Variants in P2RY2 observed in about 807,000 individuals in gnomAD.
The protein encoded by P2RY2 is P2Y purinoceptor 2.
For synonymous variants in P2RY2, 241 were observed against 231.9 expected, an observed-to-expected ratio of 1.04 and a Z score of -0.35; for missense variants, 567 against 515.7, an observed-to-expected ratio of 1.10 and a Z score of -0.96.
intron 1 of P2RY2, among the ~76,000 whole-genome samples, chr11:73,225,106 T>C (rs1259722215): frequency 1.3e-5 from 2 of 152,152 alleles, no homozygotes; most frequent in Non-Finnish European, 2.9e-5. Context: ...AGCAGGGGTC[T>C]CCACAGTGGT....
rs1418488618 is a variant in P2RY2 at position 73,234,814 on chromosome 11, G to A, written c.655G>A (p.Val219Met). The A allele has an allele frequency of 3.7e-6, 6 of 1,611,706 alleles. No individual in the cohort carries two copies. Among genetic ancestry groups the A allele is most frequent in the South Asian group, 1.1e-5 (1 of 91,092 alleles). ...CTTTGCCGTCATCCTTGTCTGTTAC[G>A]TGCTCATGGCTCGGCGACTGCTAAA... ...VPFAVILVCY[V>M]LMARRLLKPA... The change falls in exon 3 of 3, where the codon GTG becomes ATG. Residue 219 changes from valine (V) to methionine (M), a missense_variant. Val to Met is a conservative substitution (Grantham distance 21). Coordinates refer to ENST00000393597, the MANE Select transcript of P2RY2 (RefSeq NM_002564.4).
chr11:73,230,390 T>C (rs1481221438), intron 2 of P2RY2, among the ~76,000 whole-genome samples: 1 of 151,954 alleles, frequency 6.6e-6, no homozygotes, highest in East Asian at 1.9e-4. Context: ...CAGCCTCCAG[T>C]CCCACCTCCA....
chr11:73,218,998 G>C (rs480305), intron 1 of P2RY2, among the ~76,000 whole-genome samples: 7,667 of 152,216 alleles, frequency 0.05, 203 homozygotes, highest in Non-Finnish European at 0.069. Flanking sequence ...CTTTTAATCT[G>C]GCAAATGGTG....
At chr11:73,230,485 C>T (rs1862419719) in intron 2 of P2RY2, among the ~76,000 whole-genome samples, 1 of 152,116 alleles carries the variant, frequency 6.6e-6, no homozygotes, top group Non-Finnish European at 1.5e-5. Flanking sequence ...GTGTGCCAGG[C>T]TCTACTCCAG....
chr11:73,240,726 C>G lies in P2RY2; in HGVS notation c.*5433C>G, dbSNP rs1436080822. On this transcript the variant is annotated 3_prime_UTR_variant, in exon 3 of 3. Coordinates refer to ENST00000393597, the MANE Select transcript of P2RY2 (RefSeq NM_002564.4). Reference sequence around the variant, plus strand: ...CCAGTCTGTGGCTCCTGGACTGGAGCTACAGTGGTGAGAGCTCACCACTGA... The same window carrying G: ...CCAGTCTGTGGCTCCTGGACTGGAGGTACAGTGGTGAGAGCTCACCACTGA... 6.6e-6 allele frequency: 1 copy of G among 152,230 alleles called. No individual in the cohort carries two copies. Among genetic ancestry groups the G allele is most frequent in the East Asian group, 1.9e-4 (1 of 5,180 alleles). 9.4% of individuals were successfully genotyped at this position (152,230 alleles called of 1,614,324 possible). A position where few individuals can be genotyped will look rare whatever the true frequency, so the allele number is the denominator to read the frequency against.
In P2RY2 at chr11:73,238,762, C is replaced by T. The variant is rs1437730406; in HGVS notation, c.*3469C>T. 6.6e-6 allele frequency among the ~76,000 whole-genome samples: 1 copy of T among 152,172 alleles called. No individual in the cohort carries two copies. Among genetic ancestry groups the T allele is most frequent in the African/African-American group, 2.4e-5 (1 of 41,432 alleles). On this transcript the variant is annotated 3_prime_UTR_variant, in exon 3 of 3. Coordinates refer to ENST00000393597, the MANE Select transcript of P2RY2 (RefSeq NM_002564.4). Reference sequence around the variant, plus strand: ...CTGTCAGGGTGAGTCAGAGTGAGTCCAGGTTCACCTGATGGCCAGAATCAT... The same window carrying T: ...CTGTCAGGGTGAGTCAGAGTGAGTCTAGGTTCACCTGATGGCCAGAATCAT...
intron 1 of P2RY2, among the ~76,000 whole-genome samples, chr11:73,224,478 C>T (rs752364073): frequency 6.6e-6 from 1 of 152,240 alleles, no homozygotes; most frequent in Non-Finnish European, 1.5e-5. Flanking sequence ...TTGGCTTCCT[C>T]CAGGCCTGAT....
In P2RY2 at chr11:73,234,470, T is replaced by C; in HGVS notation, c.311T>C (p.Val104Ala). The C allele has an allele frequency of 6.2e-7, 1 of 1,614,188 alleles. No homozygotes were observed. Among genetic ancestry groups the C allele is most frequent in the Non-Finnish European group, 8.5e-7 (1 of 1,180,032 alleles). Residue 104 changes from valine to alanine, a missense_variant, in exon 3 of 3, where the codon GTG becomes GCG. Physicochemically the swap from Val to Ala is moderately conservative, Grantham distance 64. Transcript: ENST00000393597. ...GGCGACCACTGGCCCTTCAGCACGGTGCTCTGCAAGCTGGTGCGCTTCCTC... is the reference window on the plus strand; with the variant it reads ...GGCGACCACTGGCCCTTCAGCACGGCGCTCTGCAAGCTGGTGCGCTTCCTC... Reference protein sequence around the residue: ...ARGDHWPFSTVLCKLVRFLFY... With the variant: ...ARGDHWPFSTALCKLVRFLFY...
chr11:73,238,596 A>C lies in P2RY2; in HGVS notation c.*3303A>C, dbSNP rs1862709258. Among the ~76,000 whole-genome samples, 3 of 152,204 alleles carry C rather than the reference A, an allele frequency of 2.0e-5. No homozygotes were observed. The highest frequency in any genetic ancestry group is 4.4e-5 in the Non-Finnish European group (3 of 68,028). On this transcript the variant is annotated 3_prime_UTR_variant, in exon 3 of 3. Coordinates refer to ENST00000393597, the MANE Select transcript of P2RY2 (RefSeq NM_002564.4). ...AGGGAGGGAAGTCGTGTATTGACCC[A>C]TGTCCCACGCACCCTCTCATCTATG...
In P2RY2 at chr11:73,238,424, A is replaced by T. The variant is rs1447433674; in HGVS notation, c.*3131A>T. Reference sequence around the variant, plus strand: ...GAGGGATGGAGGAACCCCAGGGTACATTCCCACTTTCACCCCCTGAGGTTA... The same window carrying T: ...GAGGGATGGAGGAACCCCAGGGTACTTTCCCACTTTCACCCCCTGAGGTTA... On this transcript the variant is annotated 3_prime_UTR_variant, in exon 3 of 3. Coordinates refer to ENST00000393597, the MANE Select transcript of P2RY2 (RefSeq NM_002564.4). Among the ~76,000 whole-genome samples the T allele has an allele frequency of 6.6e-6, 1 of 152,172 alleles. No homozygotes were observed. The highest frequency in any genetic ancestry group is 1.5e-5 in the Non-Finnish European group (1 of 68,024).
rs1862294910 is a variant in P2RY2, at chr11:73,226,943, T to G, written c.-199-1038T>G. Among the ~76,000 whole-genome samples, 3 of 152,120 alleles carry G rather than the reference T, an allele frequency of 2.0e-5. No individual in the cohort carries two copies. In the South Asian group the frequency reaches 6.2e-4, roughly 32 times the overall value. ...AGGAGATTTCTTTTTTTTCTATATA[T>G]ATATACTTTAAGTTCTGGGTTACAT... On this transcript the variant is annotated intron_variant, in intron 1 of 2. Transcript: ENST00000393597.
intron 1 of P2RY2, among the ~76,000 whole-genome samples, chr11:73,223,759 A>G (rs545478992): frequency 1.3e-5 from 2 of 152,116 alleles, no homozygotes; most frequent in Non-Finnish European, 2.9e-5. Context: ...ATTTAGTAGC[A>G]TGTCTCTGTA....
intron 1 of P2RY2, among the ~76,000 whole-genome samples, chr11:73,220,255 C>T (rs1862079545): frequency 6.6e-6 from 1 of 152,310 alleles, no homozygotes; most frequent in Admixed American, 6.5e-5. Context: ...CTAGAGTGCC[C>T]AGGCTAAAGA....
intron 1 of P2RY2, among the ~76,000 whole-genome samples, chr11:73,226,269 T>A (rs921893103): frequency 6.6e-6 from 1 of 152,122 alleles, no homozygotes; most frequent in South Asian, 2.1e-4. Context: ...GAGAACCACT[T>A]GTGGAAAGTG....
At position 73,235,997 on chromosome 11, in the gene P2RY2, A is replaced by T. The variant is rs201840955; in HGVS notation, c.*704A>T. 2.2e-5 allele frequency: 22 copies of T among 1,000,322 alleles called. No homozygotes were observed. In the East Asian group the frequency reaches 2.3e-3, roughly 103 times the overall value. The allele number at this position is 1,000,322 out of a possible 1,614,324, so 62.0% of individuals were successfully genotyped here. A position where few individuals can be genotyped will look rare whatever the true frequency, so the allele number is the denominator to read the frequency against. ...GCAGGGAAGCTTTCACCAGCCACAC[A>T]AGGGTCCTTTCTCCAATCCGTTCCC... On this transcript the variant is annotated 3_prime_UTR_variant, in exon 3 of 3. Transcript: ENST00000393597.
Position 73,236,706 on chromosome 11 carries a change from T to G in P2RY2, c.*1413T>G. ...GCTTCCTTTGCACTGGGGGTAAATA[T>G]GAAAGAGATTCACTCCTCCTCCTGT... On this transcript the variant is annotated 3_prime_UTR_variant, in exon 3 of 3. Transcript: ENST00000393597. The G allele has an allele frequency of 1.0e-6, 1 of 985,338 alleles. No homozygotes were observed. 61.0% of individuals were successfully genotyped at this position (985,338 alleles called of 1,614,324 possible).
Position 73,234,992 on chromosome 11 carries a change from G to A in P2RY2, c.833G>A (p.Cys278Tyr), listed in dbSNP as rs1332325839. ...TCCTTCCGCTCGCTGGACCTCAGCT[G>A]CCACACCCTCAACGCCATCAACATG... ...YYSFRSLDLS[C>Y]HTLNAINMAY... Residue 278 changes from cysteine to tyrosine, a missense_variant, in exon 3 of 3, where the codon TGC becomes TAC. Cys to Tyr is a radical substitution (Grantham distance 194). Coordinates refer to ENST00000393597, the MANE Select transcript of P2RY2 (RefSeq NM_002564.4). 1 of 1,609,476 alleles carries A rather than the reference G, an allele frequency of 6.2e-7. No individual in the cohort carries two copies.
At chr11:73,224,070 G>A (rs1007116342) in intron 1 of P2RY2, among the ~76,000 whole-genome samples, 4 of 152,180 alleles carry the variant, frequency 2.6e-5, no homozygotes, top group African/African-American at 7.2e-5. Context: ...AGGGCCTCCT[G>A]AAGGGGGTGC....
At chr11:73,227,664 C>T (rs1415158672) in intron 1 of P2RY2, among the ~76,000 whole-genome samples, 1 of 152,138 alleles carries the variant, frequency 6.6e-6, no homozygotes, top group Non-Finnish European at 1.5e-5. Context: ...AGCACAGAAC[C>T]AGGACCGAGG....
Sources: allele counts gnomAD v4.1 joint callset (sites outside exome capture counted in the v4.1 genomes callset), GRCh38; gene constraint gnomAD v4.1.1; transcripts MANE v1.5; gene names NCBI Gene and HGNC (gene_info 2026-07-23, HGNC 2026-07-21).